Variants in FBXW7 observed in about 807,000 individuals in gnomAD.
FBXW7 encodes the protein F-box/WD repeat-containing protein 7.
FBXW7 carries 11 observed loss-of-function variants against 86.3 expected under a neutral mutation model. The observed-to-expected ratio is 0.13, with a 90% CI of 0.08 to 0.21. The LOEUF (loss-of-function observed/expected upper bound fraction) is 0.21. FBXW7 is among the 10% of genes least tolerant of loss of function. FBXW7 has a pLI of 1.00. For missense variants in FBXW7, 488 were observed against 847.4 expected (o/e 0.58, Z 5.27); for synonymous variants, 313 against 297.9 (o/e 1.05, Z -0.52).
At chr4:152,410,388 C>G (rs1392165161) in intron 4 of FBXW7, among the ~76,000 whole-genome samples, 1 of 152,148 alleles carries the variant, frequency 6.6e-6, no homozygotes, top group African/African-American at 2.4e-5. Flanking sequence ...AGATCCAAAG[C>G]TACTGCTTCA....
At chr4:152,510,025 G>A (rs1747812607) in intron 2 of FBXW7, among the ~76,000 whole-genome samples, 1 of 152,154 alleles carries the variant, frequency 6.6e-6, no homozygotes, top group African/African-American at 2.4e-5. Flanking sequence ...GAAATAAAGG[G>A]AAATAACACT....
intron 2 of FBXW7, among the ~76,000 whole-genome samples, chr4:152,517,344 C>T (rs1035591707): frequency 1.3e-5 from 2 of 152,114 alleles, no homozygotes; most frequent in East Asian, 3.8e-4. Context: ...TGAATAAAGT[C>T]TACTATCTAA....
chr4:152,323,616 A>C (rs537626741), intron 13 of FBXW7: 2 of 174,624 alleles, frequency 1.1e-5, no homozygotes, highest in Admixed American at 1.1e-4. Flanking sequence ...AGATGGCCCC[A>C]CTGAAAAAAA....
intron 2 of FBXW7, among the ~76,000 whole-genome samples, chr4:152,436,047 T>C (rs1018765155): frequency 6.6e-6 from 1 of 152,060 alleles, no homozygotes; most frequent in Non-Finnish European, 1.5e-5. Context: ...GGCCTCCCTA[T>C]CCCCTAAGAC....
intron 2 of FBXW7, among the ~76,000 whole-genome samples, chr4:152,490,003 C>CA (rs1745686658): frequency 1.3e-5 from 2 of 151,972 alleles, no homozygotes; most frequent in Admixed American, 6.6e-5. Context: ...TCTTCAACCA[C>CA]AAAAAATGGA....
At position 152,347,072 on chromosome 4, in the gene FBXW7, C is replaced by G. The variant is rs948701489; in HGVS notation, c.585-1G>C. Reference sequence around the variant, plus strand: ...TGAACATGGTACAAGCCCAGTGGTACTACAAAAAAAAAAAAAAGAGAGAGA... The same window carrying G: ...TGAACATGGTACAAGCCCAGTGGTAGTACAAAAAAAAAAAAAAGAGAGAGA... On this transcript the variant is annotated splice_acceptor_variant, in intron 5 of 13. Coordinates refer to ENST00000281708, the MANE Select transcript of FBXW7 (RefSeq NM_001349798.2). LOFTEE classifies it high-confidence loss of function. 7.0e-7 allele frequency: 1 copy of G among 1,428,908 alleles called. No homozygotes were observed. The highest frequency in any genetic ancestry group is 2.5e-5 in the Admixed American group (1 of 39,614). The allele number at this position is 1,428,908 out of a possible 1,614,324, so 88.5% of individuals were successfully genotyped here.
At chr4:152,403,839 C>T (rs1227315036) in intron 4 of FBXW7, among the ~76,000 whole-genome samples, 1 of 151,984 alleles carries the variant, frequency 6.6e-6, no homozygotes, top group Non-Finnish European at 1.5e-5. Context: ...GTTGGGGACA[C>T]CCATTTTCAA....
chr4:152,506,350 C>G (rs1262048993), intron 2 of FBXW7, among the ~76,000 whole-genome samples: 2 of 152,184 alleles, frequency 1.3e-5, no homozygotes, highest in African/African-American at 4.8e-5. Flanking sequence ...CCAGGATGGT[C>G]TCAATCTCCT....
intron 2 of FBXW7, among the ~76,000 whole-genome samples, chr4:152,515,518 A>G (rs1374345827): frequency 6.6e-6 from 1 of 152,200 alleles, no homozygotes; most frequent in Non-Finnish European, 1.5e-5. Flanking sequence ...TTCCCTGTAC[A>G]CTTGCAAATT....
intron 2 of FBXW7, among the ~76,000 whole-genome samples, chr4:152,481,873 G>A (rs937275946): frequency 6.6e-6 from 1 of 152,174 alleles, no homozygotes; most frequent in African/African-American, 2.4e-5. Context: ...TCTTTAGATG[G>A]AATCCACTTT....
At chr4:152,484,768 C>A (rs1256744067) in intron 2 of FBXW7, among the ~76,000 whole-genome samples, 1 of 152,082 alleles carries the variant, frequency 6.6e-6, no homozygotes, top group Non-Finnish European at 1.5e-5. Context: ...TCGAGACCAG[C>A]CTGGCCAACA....
chr4:152,456,360 T>TAAAAAAAAAA (rs58250889), intron 2 of FBXW7, among the ~76,000 whole-genome samples: 1 of 72,122 alleles, frequency 1.4e-5, no homozygotes, highest in Non-Finnish European at 2.7e-5. Flanking sequence ...AAAAAATCCT[T>TAAAAAAAAAA]AAAAAAAAAA....
intron 7 of FBXW7, among the ~76,000 whole-genome samples, chr4:152,335,977 T>G (rs1267887687): frequency 1.3e-5 from 2 of 152,140 alleles, no homozygotes; most frequent in Non-Finnish European, 2.9e-5. Flanking sequence ...TAAATAGTTT[T>G]GAGATATGGC....
Position 152,330,841 on chromosome 4 carries a change from C to T in FBXW7, c.1013G>A (p.Arg338Lys), listed in dbSNP as rs1185005670. Residue 338 changes from arginine (R) to lysine (K), a missense_variant, in exon 9 of 14, where the codon AGA (arginine) becomes AAA (lysine). This residue lies in a region of FBXW7 where 57 missense variants were observed against 62.8 expected (regional missense o/e 0.91). Coordinates refer to ENST00000281708, the MANE Select transcript of FBXW7 (RefSeq NM_001349798.2). ...EGIDEPLHIK[R>K]RKVIKPGFIH... ...GAAACCTGGTTTTATTACTTTTCTT[C>T]TCTTGATGTGCAATGGTTCATCAAT... The T allele has an allele frequency of 2.5e-6, 4 of 1,612,076 alleles. No homozygotes were observed. In the Admixed American group the frequency reaches 5.0e-5, roughly 20 times the overall value.
intron 2 of FBXW7, among the ~76,000 whole-genome samples, chr4:152,448,487 G>C (rs530120744): frequency 1.3e-5 from 2 of 152,230 alleles, no homozygotes; most frequent in East Asian, 3.9e-4. Context: ...GATAATCTCT[G>C]CAACTGGTCT....
At chr4:152,507,221 T>C (rs949385892) in intron 2 of FBXW7, among the ~76,000 whole-genome samples, 2 of 152,144 alleles carry the variant, frequency 1.3e-5, no homozygotes, top group African/African-American at 4.8e-5. Flanking sequence ...CACATGGAAG[T>C]GAACTGAGAG....
chr4:152,518,042 G>A (rs1171302139), intron 2 of FBXW7, among the ~76,000 whole-genome samples: 1 of 151,926 alleles, frequency 6.6e-6, no homozygotes, highest in African/African-American at 2.4e-5. Context: ...AGGCTGGAGT[G>A]CAATGGTGCA....
intron 4 of FBXW7, among the ~76,000 whole-genome samples, chr4:152,402,011 T>C (rs550575230): frequency 1.3e-5 from 2 of 152,166 alleles, no homozygotes; most frequent in African/African-American, 4.8e-5. Flanking sequence ...TATGAAATAC[T>C]AGGTGAAGGA....
chr4:152,395,899 A>G (rs1736382792), intron 4 of FBXW7, among the ~76,000 whole-genome samples: 1 of 152,106 alleles, frequency 6.6e-6, no homozygotes, highest in African/African-American at 2.4e-5. Context: ...TGCTTTTGCA[A>G]AATCTGGACA....
Sources: gnomAD v4.1 joint callset for allele counts (sites outside exome capture counted in the v4.1 genomes callset) on GRCh38, gnomAD v4.1.1 for gene constraint, gnomAD v4.1.1 regional missense constraint, MANE v1.5 for transcripts, NCBI Gene and HGNC (gene_info 2026-07-23, HGNC 2026-07-21) for gene names.